The following KCNQ5 variants were observed in gnomAD, a reference collection of about 807,000 sequenced individuals.
KCNQ5 encodes potassium voltage-gated channel subfamily Q member 5, also known as potassium voltage-gated channel subfamily KQT member 5.
A neutral mutation model predicts 98.2 loss-of-function variants in KCNQ5; 30 were observed. That is an observed-to-expected ratio of 0.31 (90% confidence interval 0.23 to 0.41). The LOEUF is 0.41. Ranked by LOEUF, KCNQ5 falls within the 10% of genes least tolerant of loss-of-function variation. The pLI, the probability that KCNQ5 is intolerant of heterozygous loss-of-function variation, is 1.00. For missense variants in KCNQ5, 835 were observed against 1,182.5 expected (o/e 0.71, Z 4.31); for synonymous variants, 458 against 449.4 (o/e 1.02, Z -0.24).
intron 3 of KCNQ5, among the ~76,000 whole-genome samples, chr6:73,044,770 A>T (rs137885409): frequency 6.6e-6 from 1 of 152,290 alleles, no homozygotes; most frequent in African/African-American, 2.4e-5. Flanking sequence ...AAGAAATAGC[A>T]TCTCTTATCT....
At chr6:73,042,755 G>C (rs1004761391) in intron 3 of KCNQ5, among the ~76,000 whole-genome samples, 18 of 152,236 alleles carry the variant, frequency 1.2e-4, no homozygotes, top group Admixed American at 1.1e-3. Flanking sequence ...GCTTGAAATT[G>C]TACTTCCTAA....
chr6:72,789,774 T>C (rs1773937240), intron 1 of KCNQ5, among the ~76,000 whole-genome samples: 1 of 152,188 alleles, frequency 6.6e-6, no homozygotes, highest in African/African-American at 2.4e-5. Context: ...GGAAAGGAAC[T>C]CAAAACATAG....
At chr6:72,847,891 G>A (rs1016022977) in intron 1 of KCNQ5, among the ~76,000 whole-genome samples, 3 of 152,048 alleles carry the variant, frequency 2.0e-5, no homozygotes, top group Admixed American at 6.6e-5. Context: ...TCCTTAGATC[G>A]GGAAAGCCAA....
chr6:72,680,699 G>A (rs781512708), intron 1 of KCNQ5, among the ~76,000 whole-genome samples: 8 of 152,246 alleles, frequency 5.3e-5, no homozygotes, highest in East Asian at 1.9e-4. Flanking sequence ...ATTTGCTAGT[G>A]TAAATTCATT....
chr6:72,831,062 TA>T (rs963305923), intron 1 of KCNQ5, among the ~76,000 whole-genome samples: 34 of 152,204 alleles, frequency 2.2e-4, no homozygotes, highest in African/African-American at 7.9e-4. Context: ...TGGCGATCAT[TA>T]AAAAGTCAGG....
At chr6:72,663,733 A>G (rs761885588) in intron 1 of KCNQ5, among the ~76,000 whole-genome samples, 16 of 152,222 alleles carry the variant, frequency 1.1e-4, no homozygotes, top group Non-Finnish European at 2.2e-4. Context: ...GCATTCTTCA[A>G]TTCCAAAATA....
intron 5 of KCNQ5, among the ~76,000 whole-genome samples, chr6:73,090,340 T>G (rs1489847151): frequency 6.6e-6 from 1 of 152,192 alleles, no homozygotes; most frequent in Admixed American, 6.5e-5. Flanking sequence ...ATTATAACGA[T>G]TTTCTCCCAC....
intron 1 of KCNQ5, among the ~76,000 whole-genome samples, chr6:72,782,596 A>C (rs1773544356): frequency 6.6e-6 from 1 of 152,098 alleles, no homozygotes; most frequent in Admixed American, 6.6e-5. Flanking sequence ...TGATGAAGAA[A>C]CTCGTAACAT....
At chr6:72,851,163 T>A (rs182723477) in intron 1 of KCNQ5, among the ~76,000 whole-genome samples, 1 of 152,302 alleles carries the variant, frequency 6.6e-6, no homozygotes, top group Admixed American at 6.5e-5. Flanking sequence ...TTCAAGTAGT[T>A]CAAACATTAG....
chr6:72,835,397 G>A (rs1314521268), intron 1 of KCNQ5, among the ~76,000 whole-genome samples: 2 of 152,020 alleles, frequency 1.3e-5, no homozygotes, highest in African/African-American at 4.8e-5. Context: ...TATTGGTCGA[G>A]GCCATTTTTC....
At chr6:72,917,828 C>A (rs940770205) in intron 1 of KCNQ5, among the ~76,000 whole-genome samples, 1 of 152,062 alleles carries the variant, frequency 6.6e-6, no homozygotes, top group African/African-American at 2.4e-5. Context: ...GCCCAAGAAG[C>A]CTGCCGCCCA....
At chr6:72,849,700 A>C (rs1777166992) in intron 1 of KCNQ5, among the ~76,000 whole-genome samples, 1 of 152,140 alleles carries the variant, frequency 6.6e-6, no homozygotes, top group African/African-American at 2.4e-5. Context: ...GTTTCTTTCC[A>C]CATAGCCCTC....
At chr6:72,916,285 C>T (rs1780131998) in intron 1 of KCNQ5, among the ~76,000 whole-genome samples, 1 of 152,162 alleles carries the variant, frequency 6.6e-6, no homozygotes, top group South Asian at 2.1e-4. Context: ...ATTCAGGTTT[C>T]ACACCAAGCA....
At chr6:72,698,858 T>C (rs1045373410) in intron 1 of KCNQ5, among the ~76,000 whole-genome samples, 1 of 151,702 alleles carries the variant, frequency 6.6e-6, no homozygotes, top group Non-Finnish European at 1.5e-5. Flanking sequence ...GGGGTCTTGC[T>C]GTGTTGCCCA....
rs144284819 is a variant in KCNQ5 at position 72,893,694 on chromosome 6, C to T, written c.399-110214C>T. Among the ~76,000 whole-genome samples, 184 of 152,258 alleles carry T rather than the reference C, an allele frequency of 1.2e-3. No individual in the cohort carries two copies. The Middle Eastern group carries it at 0.017, about 14-fold the overall frequency. ...ATTTTTCCACACCATTTTTGCTGCC[C>T]AGGCAGATATTATCAAGCCAGCTCA... On this transcript the variant is annotated intron_variant, in intron 1 of 13. Coordinates refer to ENST00000370398, the MANE Select transcript of KCNQ5 (RefSeq NM_019842.4).
chr6:72,789,812 T>G (rs148325991), intron 1 of KCNQ5, among the ~76,000 whole-genome samples: 1 of 152,340 alleles, frequency 6.6e-6, no homozygotes, highest in East Asian at 1.9e-4. Flanking sequence ...TTCTTTTCCC[T>G]TCCTAAAAAT....
rs62412477 is a variant in KCNQ5, at chr6:72,942,288, T to G, written c.399-61620T>G. ...ACATTTTAAATGTTATTCACTGACCTGTAGTATCCAAATTAAACCTATTTC... is the reference window on the plus strand; with the variant it reads ...ACATTTTAAATGTTATTCACTGACCGGTAGTATCCAAATTAAACCTATTTC... On this transcript the variant is annotated intron_variant, in intron 1 of 13. Coordinates refer to ENST00000370398, the MANE Select transcript of KCNQ5 (RefSeq NM_019842.4). Among the ~76,000 whole-genome samples, 455 of 152,364 alleles carry G rather than the reference T, an allele frequency of 3.0e-3. 2 individuals carry two copies. The highest frequency in any genetic ancestry group is 5.0e-3 in the Non-Finnish European group (343 of 68,032).
chr6:73,138,401 A>G (rs1343459484), intron 10 of KCNQ5, among the ~76,000 whole-genome samples: 2 of 152,196 alleles, frequency 1.3e-5, no homozygotes, highest in African/African-American at 4.8e-5. Context: ...ACCCCACTGC[A>G]TTTGGGAGTG....
At chr6:72,871,537 G>T (rs190353594) in intron 1 of KCNQ5, among the ~76,000 whole-genome samples, 1 of 152,244 alleles carries the variant, frequency 6.6e-6, no homozygotes, top group East Asian at 1.9e-4. Context: ...TAAAGTTAGA[G>T]ATTTATTTTA....
Sources: allele counts gnomAD v4.1 joint callset (sites outside exome capture counted in the v4.1 genomes callset), GRCh38; gene constraint gnomAD v4.1.1; transcripts MANE v1.5; gene names NCBI Gene and HGNC (gene_info 2026-07-23, HGNC 2026-07-21).